Variants in RANBP2 observed in about 807,000 individuals in gnomAD.
RANBP2 encodes the protein RAN binding protein 2, also known as E3 SUMO-protein ligase RanBP2.
A neutral mutation model predicts 303.6 loss-of-function variants in RANBP2; 57 were observed. That is an observed-to-expected ratio of 0.19 (90% confidence interval 0.15 to 0.23). The LOEUF is 0.23. Ranked by LOEUF, RANBP2 falls within the 10% of genes least tolerant of loss-of-function variation. RANBP2 has a pLI of 1.00. For missense variants in RANBP2, 3,138 were observed against 3,780.8 expected (o/e 0.83, Z 4.46); for synonymous variants, 1,167 against 1,301.5 (o/e 0.90, Z 2.23).
the RANBP2 span, chr2:109,371,555 G>T: frequency 1.9e-6 from 3 of 1,593,206 alleles, no homozygotes; most frequent in Non-Finnish European, 2.6e-6. Flanking sequence ...GTGTCCGTAT[G>T]CTTGTGTCCA....
At chr2:108,794,974 C>T in the RANBP2 span, among the ~76,000 whole-genome samples, 1 of 151,898 alleles carries the variant, frequency 6.6e-6, no homozygotes, top group Non-Finnish European at 1.5e-5. Context: ...ATTTGATTTC[C>T]ATCCCATCCT....
At chr2:109,388,642 G>A in the RANBP2 span, among the ~76,000 whole-genome samples, 3 of 152,350 alleles carry the variant, frequency 2.0e-5, no homozygotes, top group South Asian at 6.2e-4. Flanking sequence ...AAACACCTAT[G>A]CATGGAATAG....
the RANBP2 span, among the ~76,000 whole-genome samples, chr2:109,422,627 C>T: frequency 1.3e-4 from 20 of 152,232 alleles, no homozygotes; most frequent in South Asian, 6.2e-4. Flanking sequence ...GGGGCTTGTC[C>T]GCCATTCCTC....
Position 108,764,763 on chromosome 2 carries a change from T to G in RANBP2, c.4224T>G (p.Phe1408Leu), listed in dbSNP as rs765576023. ...GCCCAGAGAATGTTCAAGATCGATT[T>G]GCATTGGTGACTCCAAAGAAAGAAG... ...KTSPENVQDR[F>L]ALVTPKKEGH... The change falls in exon 20 of 29, where the codon TTT becomes TTG. Residue 1408 changes from phenylalanine to leucine, a missense_variant. Physicochemically the swap from Phe to Leu is conservative, Grantham distance 22 (BLOSUM62 0). Around this residue, in one of 20 missense-constraint regions of RANBP2, gnomAD observed 388 missense variants for 328.5 expected, o/e 1.18. Coordinates refer to ENST00000283195, the MANE Select transcript of RANBP2 (RefSeq NM_006267.5). 1 of 1,614,090 alleles carries G rather than the reference T, an allele frequency of 6.2e-7. No homozygotes were observed. Among genetic ancestry groups the G allele is most frequent in the Non-Finnish European group, 8.5e-7 (1 of 1,179,982 alleles).
chr2:109,503,583 A>C, the RANBP2 span: 2 of 152,204 alleles, frequency 1.3e-5, no homozygotes, highest in African/African-American at 4.8e-5. Flanking sequence ...ATTATTGCCA[A>C]ACTTCATCAG....
At chr2:108,977,220 CT>C in the RANBP2 span, among the ~76,000 whole-genome samples, 16 of 152,170 alleles carry the variant, frequency 1.1e-4, no homozygotes, top group Non-Finnish European at 1.6e-4. Context: ...TCAGCACTGC[CT>C]TTGCCGCCGG....
chr2:109,687,741 A>ATTTTTTT, the RANBP2 span, among the ~76,000 whole-genome samples: 2 of 133,478 alleles, frequency 1.5e-5, no homozygotes. Flanking sequence ...AGGTCAGGGG[A>ATTTTTTT]TTTTTTTTTT....
the RANBP2 span, among the ~76,000 whole-genome samples, chr2:108,793,954 G>A: frequency 2.0e-5 from 3 of 152,092 alleles, no homozygotes; most frequent in African/African-American, 4.8e-5. Context: ...CGAGACTGTA[G>A]CATCTGTATA....
intron 26 of RANBP2, 131 bp downstream of exon 26, chr2:108,781,560 A>C: frequency 1.3e-6 from 1 of 794,814 alleles, no homozygotes. Context: ...AGCTCTATTT[A>C]TTAGATGTCT....
In RANBP2 at chr2:108,782,170, A is replaced by G; in HGVS notation, c.8803A>G (p.Lys2935Glu). 1 of 1,614,178 alleles carries G rather than the reference A, an allele frequency of 6.2e-7. No homozygotes were observed. Among genetic ancestry groups the G allele is most frequent in the Non-Finnish European group, 8.5e-7 (1 of 1,180,016 alleles). Reference sequence around the variant, plus strand: ...AGAAGAAGATGAAGAAATTTTGTTTAAAGAGAGAGCCAAACTTTATAGATG... The same window carrying G: ...AGAAGAAGATGAAGAAATTTTGTTTGAAGAGAGAGCCAAACTTTATAGATG... Reference protein sequence around the residue: ...SGEEDEEILFKERAKLYRWDR... With the variant: ...SGEEDEEILFEERAKLYRWDR... The change falls in exon 27 of 29, where the codon AAA becomes GAA. Residue 2935 changes from lysine (K) to glutamate (E), a missense_variant. Physicochemically the swap from Lys to Glu is moderately conservative, Grantham distance 56. Coordinates refer to ENST00000283195, the MANE Select transcript of RANBP2 (RefSeq NM_006267.5).
chr2:108,760,796 T>C (rs1451622170), intron 18 of RANBP2, among the ~76,000 whole-genome samples: 2 of 152,156 alleles, frequency 1.3e-5, no homozygotes, highest in Non-Finnish European at 2.9e-5. Flanking sequence ...TGAATGTTAA[T>C]GTGATTTTTT....
At chr2:108,973,814 T>C in the RANBP2 span, among the ~76,000 whole-genome samples, 1 of 152,192 alleles carries the variant, frequency 6.6e-6, no homozygotes, top group Non-Finnish European at 1.5e-5. Flanking sequence ...CCTTCAACTT[T>C]TGAATGCCCC....
intron 17 of RANBP2, among the ~76,000 whole-genome samples, chr2:108,756,692 G>C (rs1204674468): frequency 6.6e-6 from 1 of 152,226 alleles, no homozygotes; most frequent in Non-Finnish European, 1.5e-5. Flanking sequence ...CCATGAGCTT[G>C]AAAAGCTTGG....
At chr2:109,078,444 G>A in the RANBP2 span, among the ~76,000 whole-genome samples, 7 of 148,384 alleles carry the variant, frequency 4.7e-5, no homozygotes, top group Non-Finnish European at 9.0e-5. Flanking sequence ...TGTTTGTAGA[G>A]TCAATAAAAG....
the RANBP2 span, among the ~76,000 whole-genome samples, chr2:109,634,074 C>T: frequency 9.7e-5 from 12 of 123,388 alleles, no homozygotes; most frequent in East Asian, 1.6e-3. Context: ...GAGCCGAGGT[C>T]GCGCCACTGC....
the RANBP2 span, among the ~76,000 whole-genome samples, chr2:109,210,105 A>G: frequency 6.6e-6 from 1 of 152,204 alleles, no homozygotes; most frequent in African/African-American, 2.4e-5. Context: ...GGTCCTCAGG[A>G]TTCATCGACA....
chr2:108,743,343 C>G (rs921090116), intron 7 of RANBP2, among the ~76,000 whole-genome samples: 1 of 152,186 alleles, frequency 6.6e-6, no homozygotes, highest in Non-Finnish European at 1.5e-5. Context: ...GATCATAGCT[C>G]ACTGCATCCT....
At chr2:109,580,031 G>C in the RANBP2 span, among the ~76,000 whole-genome samples, 2 of 151,962 alleles carry the variant, frequency 1.3e-5, no homozygotes, top group Non-Finnish European at 2.9e-5. Context: ...TGAGGCAGGA[G>C]AATCGTCTGA....
chr2:109,571,375 C>A, the RANBP2 span, among the ~76,000 whole-genome samples: 1 of 152,176 alleles, frequency 6.6e-6, no homozygotes, highest in East Asian at 1.9e-4. Flanking sequence ...CTCACACAAA[C>A]CTGGATGTTA....
Sources: gnomAD v4.1 joint callset for allele counts (sites outside exome capture counted in the v4.1 genomes callset) on GRCh38, gnomAD v4.1.1 for gene constraint, gnomAD v4.1.1 regional missense constraint, MANE v1.5 for transcripts, NCBI Gene and HGNC (gene_info 2026-07-23, HGNC 2026-07-21) for gene names.